Variants in CHRM3 observed in about 807,000 individuals in gnomAD.
The protein encoded by CHRM3 is cholinergic receptor muscarinic 3, also known as muscarinic acetylcholine receptor M3.
CHRM3 carries 11 observed loss-of-function variants against 41.8 expected under a neutral mutation model. The observed-to-expected ratio is 0.26, with a 90% CI of 0.17 to 0.44. The LOEUF (loss-of-function observed/expected upper bound fraction) is 0.44. CHRM3 is among the 20% of genes least tolerant of loss of function. The pLI is 1.00. For synonymous variants in CHRM3, 297 were observed against 301.4 expected, an observed-to-expected ratio of 0.99 and a Z score of 0.15; for missense variants, 571 against 745.4, an observed-to-expected ratio of 0.77 and a Z score of 2.72.
intron 1 of CHRM3, among the ~76,000 whole-genome samples, chr1:239,486,863 G>A (rs1173015882): frequency 1.3e-5 from 2 of 152,110 alleles, no homozygotes; most frequent in African/African-American, 2.4e-5. Flanking sequence ...CCTTCTTAAA[G>A]GTGACAATTT....
intron 4 of CHRM3, among the ~76,000 whole-genome samples, chr1:239,659,546 G>A (rs1346889593): frequency 6.6e-6 from 1 of 152,182 alleles, no homozygotes; most frequent in Non-Finnish European, 1.5e-5. Flanking sequence ...TAGCCACCAA[G>A]TATTTGAGGT....
chr1:239,699,728 G>A (rs969302320), intron 5 of CHRM3, among the ~76,000 whole-genome samples: 5 of 152,052 alleles, frequency 3.3e-5, no homozygotes, highest in Non-Finnish European at 7.4e-5. Context: ...TAAATTCTCA[G>A]AAGTGGAATT....
chr1:239,578,777 C>T (rs1021567521), intron 3 of CHRM3, among the ~76,000 whole-genome samples: 3 of 152,144 alleles, frequency 2.0e-5, no homozygotes, highest in Admixed American at 6.5e-5. Context: ...CACTGGGACT[C>T]CACCCGGTCC....
At chr1:239,486,165 G>A (rs1667169920) in intron 1 of CHRM3, among the ~76,000 whole-genome samples, 1 of 152,158 alleles carries the variant, frequency 6.6e-6, no homozygotes, top group South Asian at 2.1e-4. Flanking sequence ...CCAAATGCTT[G>A]AATATCAGAT....
chr1:239,745,532 T>C (rs1665274653), intron 5 of CHRM3, among the ~76,000 whole-genome samples: 1 of 152,092 alleles, frequency 6.6e-6, no homozygotes, highest in African/African-American at 2.4e-5. Context: ...CTGGGGTACA[T>C]GTGCAGAGCG....
intron 1 of CHRM3, among the ~76,000 whole-genome samples, chr1:239,398,612 TC>T (rs1450529243): frequency 6.6e-6 from 1 of 152,186 alleles, no homozygotes; most frequent in African/African-American, 2.4e-5. Context: ...ATATGTCTCC[TC>T]CCATATGGAT....
At chr1:239,402,100 T>G (rs978337458) in intron 1 of CHRM3, among the ~76,000 whole-genome samples, 2 of 152,178 alleles carry the variant, frequency 1.3e-5, no homozygotes, top group Non-Finnish European at 2.9e-5. Context: ...TGGCCCTCTT[T>G]TAGACATTTC....
chr1:239,463,467 G>A (rs1455483217), intron 1 of CHRM3, among the ~76,000 whole-genome samples: 2 of 152,098 alleles, frequency 1.3e-5, no homozygotes. Context: ...CCCCCTGGAT[G>A]AGCTTTTGGA....
chr1:239,404,168 A>C (rs899754789), intron 1 of CHRM3, among the ~76,000 whole-genome samples: 2 of 151,110 alleles, frequency 1.3e-5, no homozygotes, highest in African/African-American at 4.9e-5. Context: ...GGGCACCTGT[A>C]GTCCCAGCTA....
In CHRM3 at chr1:239,630,890, A is replaced by G. The variant is rs573351058; in HGVS notation, c.-312-1334A>G. 2.6e-3 allele frequency among the ~76,000 whole-genome samples: 391 copies of G among 150,362 alleles called. 4 individuals are homozygous for G. Among genetic ancestry groups the G allele is most frequent in the African/African-American group, 9.3e-3 (379 of 40,902 alleles). On this transcript the variant is annotated intron_variant, in intron 3 of 6. Coordinates refer to ENST00000676153, the MANE Select transcript of CHRM3 (RefSeq NM_001375978.1). ...TCCATAAGACACTTCTCAGATAGGG[A>G]GGGCCGGGGGAGGGCAGCAGTGGGG...
At chr1:239,663,393 ATTGT>A in intron 4 of CHRM3, among the ~76,000 whole-genome samples, 1 of 152,214 alleles carries the variant, frequency 6.6e-6, no homozygotes. Context: ...ATGTCTTTCG[ATTGT>A]GCCACATCCC....
In CHRM3 at chr1:239,908,426, G is replaced by A. The variant is rs1680138235; in HGVS notation, c.975G>A (p.Glu325=). Residue 325 remains glutamate, a synonymous_variant, in exon 7 of 7, where the codon GAG becomes GAA. Coordinates refer to ENST00000676153, the MANE Select transcript of CHRM3 (RefSeq NM_001375978.1). This position sits in a 1 kb window ranked among gnomAD's most constrained non-coding sequence, Gnocchi z 7.2. ...CCAAGAGCTGGAAACCCAGCTCCGA[G>A]CAGATGGACCAAGACCACAGCAGCA... is the stretch of plus-strand genomic sequence containing the variant. ...FTTKSWKPSS[E]QMDQDHSSSD... 1 of 1,613,930 alleles carries A rather than the reference G, an allele frequency of 6.2e-7. No homozygotes were observed. Among genetic ancestry groups the A allele is most frequent in the South Asian group, 1.1e-5 (1 of 91,078 alleles).
chr1:239,500,831 A>G (rs372863027), intron 2 of CHRM3, among the ~76,000 whole-genome samples: 1 of 152,344 alleles, frequency 6.6e-6, no homozygotes, highest in African/African-American at 2.4e-5. Flanking sequence ...TAAAAGATAC[A>G]GAAACACAGA....
At chr1:239,803,272 G>A (rs1327694880) in intron 5 of CHRM3, among the ~76,000 whole-genome samples, 2 of 152,170 alleles carry the variant, frequency 1.3e-5, no homozygotes, top group Non-Finnish European at 2.9e-5. Context: ...CAACACAAAA[G>A]CCTAACTCCA....
chr1:239,545,992 G>A (rs147381800), intron 3 of CHRM3: 1 of 152,222 alleles, frequency 6.6e-6, no homozygotes, highest in East Asian at 1.9e-4. Context: ...GCAGAATTTA[G>A]AAGTATAGCA....
At chr1:239,562,311 A>G (rs966025268) in intron 3 of CHRM3, among the ~76,000 whole-genome samples, 2 of 152,096 alleles carry the variant, frequency 1.3e-5, no homozygotes, top group East Asian at 3.9e-4. Context: ...CCTCATAACA[A>G]CTTTACAAAA....
At chr1:239,734,391 A>G (rs749578349) in intron 5 of CHRM3, among the ~76,000 whole-genome samples, 19 of 152,106 alleles carry the variant, frequency 1.2e-4, no homozygotes, top group Non-Finnish European at 2.9e-5. Flanking sequence ...GAATATTCAC[A>G]ATTAATTGAA....
chr1:239,739,668 G>A (rs140359388), intron 5 of CHRM3, among the ~76,000 whole-genome samples: 37 of 152,162 alleles, frequency 2.4e-4, no homozygotes, highest in African/African-American at 8.2e-4. Context: ...CATGCTGGAG[G>A]ATTTTTTTTT....
intron 5 of CHRM3, among the ~76,000 whole-genome samples, chr1:239,682,736 G>A (rs573630239): frequency 3.9e-5 from 6 of 151,950 alleles, no homozygotes; most frequent in South Asian, 4.1e-4. Context: ...GTTAAGGTTT[G>A]TATTATTTTA....
Sources: gnomAD v4.1 joint callset for allele counts (sites outside exome capture counted in the v4.1 genomes callset) on GRCh38, gnomAD v4.1.1 for gene constraint, Gnocchi (gnomAD v3.1) non-coding constraint, MANE v1.5 for transcripts, NCBI Gene and HGNC (gene_info 2026-07-23, HGNC 2026-07-21) for gene names.